WDHD1: variants seen among roughly 807,000 people sequenced by gnomAD.
The protein encoded by WDHD1 is WD repeat and HMG-box DNA binding protein 1.
WDHD1 carries 111 observed loss-of-function variants against 135.4 expected under a neutral mutation model. That is an observed-to-expected ratio of 0.82 (90% CI 0.70 to 0.96). The LOEUF is 0.96. Among genes scored for constraint, WDHD1 ranks in the 40% least tolerant of loss-of-function variants. The probability of loss-of-function intolerance (pLI) is 0.00; values close to 1 mark genes in which losing one functional copy is unlikely to be tolerated. For synonymous variants in WDHD1, 434 were observed against 439.0 expected (o/e 0.99, Z 0.14); for missense variants, 1,351 against 1,336.3 (o/e 1.01, Z -0.17).
rs1473427698 is a variant in WDHD1, at chr14:54,995,716, G to A, written c.1040C>T (p.Pro347Leu). Residue 347 changes from proline to leucine, a missense_variant, in exon 11 of 26, where the codon CCT (proline) becomes CTT (leucine). Physicochemically the swap from Pro to Leu is moderately conservative, Grantham distance 98. This residue lies in a region of WDHD1 where 1,330 missense variants were observed against 1,296.1 expected (regional missense o/e 1.03). Transcript: ENST00000360586. ...DFLNDNAVEI[P>L]SFSKGIINDD... ...ATTTATAATCCCTTTTGAAAAAGAA[G>A]GGATCTCAACTGCATTGTCATTTAG... 6.2e-7 allele frequency: 1 copy of A among 1,613,394 alleles called. No homozygotes were observed. The highest frequency in any genetic ancestry group is 1.7e-5 in the Admixed American group (1 of 59,870).
chr14:54,941,834 A>C lies in WDHD1; in HGVS notation c.3190-144T>G, dbSNP rs1595047370. On this transcript the variant is annotated intron_variant, in intron 25 of 25. Coordinates refer to ENST00000360586, the MANE Select transcript of WDHD1 (RefSeq NM_007086.4). The stretch of plus-strand genomic sequence containing the variant: ...TGAATTAAGTGTTCTCATTGTTAAC[A>C]AATCTTTTATTACTTAAATGCAGAG... 1.5e-5 allele frequency: 10 copies of C among 689,256 alleles called. No individual in the cohort carries two copies. In the East Asian group the frequency reaches 2.8e-4, roughly 19 times the overall value. 42.7% of individuals were successfully genotyped at this position (689,256 alleles called of 1,614,324 possible).
At chr14:55,013,194 CAAAAAAA>C (rs71448422) in intron 3 of WDHD1, among the ~76,000 whole-genome samples, 925 of 82,314 alleles carry the variant, frequency 0.011, 18 homozygotes, top group African/African-American at 0.038. Context: ...GATCCCGTTT[CAAAAAAA>C]AAAAAAAAAA....
intron 23 of WDHD1, among the ~76,000 whole-genome samples, chr14:54,955,895 CTTTTTTTTTTT>C (rs71131243): frequency 4.5e-5 from 5 of 110,096 alleles, no homozygotes; most frequent in Non-Finnish European, 7.1e-5. Flanking sequence ...CCATGTTTTC[CTTTTTTTTTTT>C]TTTTTTTTTG....
In WDHD1 at chr14:55,002,008, A is replaced by C. The variant is rs376822788; in HGVS notation, c.693+85T>G. 379 of 948,826 alleles carry C rather than the reference A, an allele frequency of 4.0e-4. No individual in the cohort carries two copies. The African/African-American group carries it at 5.5e-3, about 14-fold the overall frequency. 58.8% of individuals were successfully genotyped at this position (948,826 alleles called of 1,614,324 possible). ...GCCAGGAGTTGTTTTCCATTCCAAT[A>C]ATATTTAACTGCAACTGTATTCAGG... On this transcript the variant is annotated intron_variant, in intron 8 of 25. Coordinates refer to ENST00000360586, the MANE Select transcript of WDHD1 (RefSeq NM_007086.4).
intron 10 of WDHD1, among the ~76,000 whole-genome samples, chr14:54,998,923 T>C (rs973376520): frequency 2.2e-4 from 34 of 152,246 alleles, no homozygotes; most frequent in African/African-American, 8.0e-4. Flanking sequence ...GACACTGTTC[T>C]AACTATACAT....
At chr14:55,015,558 G>A (rs2042247000) in intron 2 of WDHD1, among the ~76,000 whole-genome samples, 1 of 151,956 alleles carries the variant, frequency 6.6e-6, no homozygotes, top group Non-Finnish European at 1.5e-5. Flanking sequence ...GATGCAATGT[G>A]ACTAACAAAT....
At chr14:54,998,687 T>C (rs1269542549) in intron 10 of WDHD1, among the ~76,000 whole-genome samples, 2 of 152,270 alleles carry the variant, frequency 1.3e-5, no homozygotes, top group South Asian at 2.1e-4. Flanking sequence ...CTTCCATCTA[T>C]GGCAGATGAG....
chr14:54,959,922 GC>G (rs1169370551), intron 21 of WDHD1, among the ~76,000 whole-genome samples: 1 of 152,096 alleles, frequency 6.6e-6, no homozygotes, highest in African/African-American at 2.4e-5. Flanking sequence ...CTAGCCCCTT[GC>G]GGTTTGGTGC....
At chr14:54,998,912 A>G (rs2041934312) in intron 10 of WDHD1, among the ~76,000 whole-genome samples, 1 of 152,234 alleles carries the variant, frequency 6.6e-6, no homozygotes, top group Non-Finnish European at 1.5e-5. Flanking sequence ...GAAGTGTGCT[A>G]GACACTGTTC....
At chr14:54,965,909 C>G (rs181271634) in intron 18 of WDHD1, among the ~76,000 whole-genome samples, 1 of 150,908 alleles carries the variant, frequency 6.6e-6, no homozygotes, top group African/African-American at 2.4e-5. Flanking sequence ...TAAGCCAAGA[C>G]TGCACAACTG....
At chr14:55,007,193 A>G (rs2042085669) in intron 7 of WDHD1, 87 bp downstream of exon 7, 4 of 1,069,730 alleles carry the variant, frequency 3.7e-6, no homozygotes, top group Admixed American at 2.5e-5. Context: ...GCACCACTGC[A>G]CTCCAGCATG....
chr14:55,008,794 TTTC>T (rs2042115377), intron 4 of WDHD1, 75 bp from the exon 5 acceptor site: 3 of 1,110,388 alleles, frequency 2.7e-6, no homozygotes, highest in African/African-American at 1.6e-5. Flanking sequence ...GATCCAAATA[TTTC>T]TTTTTTTTTT....
chr14:54,975,903 C>T (rs142915719), intron 16 of WDHD1, among the ~76,000 whole-genome samples: 277 of 152,242 alleles, frequency 1.8e-3, no homozygotes, highest in Middle Eastern at 6.8e-3. Context: ...AAAAAGAAAG[C>T]ATAAATACCA....
In WDHD1 at chr14:54,981,510, G is replaced by A. The variant is rs868054594; in HGVS notation, c.2063+30C>T. The stretch of plus-strand genomic sequence containing the variant: ...AATTTCAACATACTTTTTAAAAAGA[G>A]TCAACTTTAGACTTCTTTTAATAGC... On this transcript the variant is annotated intron_variant, in intron 16 of 25. Coordinates refer to ENST00000360586, the MANE Select transcript of WDHD1 (RefSeq NM_007086.4). The A allele has an allele frequency of 9.4e-6, 15 of 1,597,600 alleles. No homozygotes were observed. The Middle Eastern group carries it at 6.6e-4, about 71-fold the overall frequency.
intron 15 of WDHD1, among the ~76,000 whole-genome samples, chr14:54,983,240 C>T (rs1226259159): frequency 6.6e-6 from 1 of 151,850 alleles, no homozygotes; most frequent in Non-Finnish European, 1.5e-5. Flanking sequence ...CTGTCATAAG[C>T]CTCTAGAATT....
intron 13 of WDHD1, among the ~76,000 whole-genome samples, 178 bp from the exon 14 acceptor site, chr14:54,987,565 G>A (rs929545544): frequency 9.2e-5 from 14 of 151,962 alleles, no homozygotes; most frequent in Non-Finnish European, 1.9e-4. Context: ...GAACTATATT[G>A]ATATCTTTCC....
chr14:54,957,631 T>A lies in WDHD1; in HGVS notation c.2706A>T (p.Ala902=), dbSNP rs137977906. ...CTCGTCCTTGGCTGCTAAAGGTAAC[T>A]GCACCTTTCACAAAAAAGAAACCCT... ...NSSDVSAKSG[A]VTFSSQGRVN... is the part of the protein sequence containing the mutation. The change falls in exon 22 of 26, where the codon GCA becomes GCT. Residue 902 remains alanine (A), a synonymous_variant. Transcript: ENST00000360586. 6.2e-7 allele frequency: 1 copy of A among 1,605,676 alleles called. No individual in the cohort carries two copies. Among genetic ancestry groups the A allele is most frequent in the Non-Finnish European group, 8.5e-7 (1 of 1,177,872 alleles).
chr14:55,006,488 G>C (rs376893729), intron 7 of WDHD1, among the ~76,000 whole-genome samples: 2 of 152,224 alleles, frequency 1.3e-5, no homozygotes, highest in East Asian at 3.9e-4. Context: ...TTTGCTTCCA[G>C]TTACCTTACT....
Position 55,004,995 on chromosome 14 carries a change from G to C in WDHD1, c.600+2285C>G, listed in dbSNP as rs2042040687. 4 of 543,570 alleles carry C rather than the reference G, an allele frequency of 7.4e-6. No individual in the cohort carries two copies. The African/African-American group carries it at 7.6e-5, about 10-fold the overall frequency. The allele number at this position is 543,570 out of a possible 1,614,324, so 33.7% of individuals were successfully genotyped here. On this transcript the variant is annotated intron_variant, in intron 7 of 25. Coordinates refer to ENST00000360586, the MANE Select transcript of WDHD1 (RefSeq NM_007086.4). ...CTCAGGTTGAGGAGCACCGAACTCAGGAGCTGGAGTAGTCCATTCACCCTG... is the reference window on the plus strand; with the variant it reads ...CTCAGGTTGAGGAGCACCGAACTCACGAGCTGGAGTAGTCCATTCACCCTG...
Sources: allele counts gnomAD v4.1 joint callset (sites outside exome capture counted in the v4.1 genomes callset), GRCh38; gene constraint gnomAD v4.1.1; regional missense constraint gnomAD v4.1.1; transcripts MANE v1.5; gene names NCBI Gene and HGNC (gene_info 2026-07-23, HGNC 2026-07-21).